TCERG1: variants seen among roughly 807,000 people sequenced by gnomAD.
TCERG1 encodes the protein TATA box binding protein (TBP)-associated factor, RNA polymerase II, S, 150kD.
A neutral mutation model predicts 144.7 loss-of-function variants in TCERG1; 37 were observed. That is an observed-to-expected ratio of 0.26 (90% CI 0.20 to 0.34). TCERG1 has a LOEUF of 0.34. Among genes scored for constraint, TCERG1 ranks in the 10% least tolerant of loss-of-function variants. TCERG1 has a pLI of 1.00. For missense variants in TCERG1, 1,027 were observed against 1,380.7 expected, an observed-to-expected ratio of 0.74 and a Z score of 4.06; for synonymous variants, 492 against 458.2, an observed-to-expected ratio of 1.07 and a Z score of -0.94.
Position 146,507,075 on chromosome 5 carries a change from A to C in TCERG1, c.2829A>C (p.Arg943=). 2.5e-6 allele frequency: 4 copies of C among 1,612,328 alleles called. No homozygotes were observed. The highest frequency in any genetic ancestry group is 3.4e-6 in the Non-Finnish European group (4 of 1,179,506). Residue 943 remains arginine (R), a synonymous_variant, in exon 20 of 23, where the codon CGA becomes CGC. Coordinates refer to ENST00000679501, the MANE Select transcript of TCERG1 (RefSeq NM_001382548.1). This position sits in a 1 kb window ranked among gnomAD's most constrained non-coding sequence, Gnocchi z 4.6. ...GGTCTGATACTCGTAGGACCCTCCG[A>C]AAAGATCACCGCTGGGAATCTGGAT... The part of the protein sequence containing the change: ...VSWSDTRRTL[R]KDHRWESGSL...
intron 16 of TCERG1, among the ~76,000 whole-genome samples, chr5:146,494,677 A>T (rs1272357121): frequency 6.6e-6 from 1 of 150,666 alleles, no homozygotes; most frequent in Non-Finnish European, 1.5e-5. Flanking sequence ...TGTTGGCCTA[A>T]TTTTTTTTTT....
chr5:146,493,542 T>C (rs563617830), intron 16 of TCERG1, among the ~76,000 whole-genome samples: 103 of 152,242 alleles, frequency 6.8e-4, no homozygotes, highest in Non-Finnish European at 1.2e-3. Context: ...TAATAACAGT[T>C]ACTGGGTATT....
chr5:146,484,815 C>T (rs1434739398), intron 15 of TCERG1, among the ~76,000 whole-genome samples: 3 of 152,072 alleles, frequency 2.0e-5, no homozygotes, highest in Non-Finnish European at 4.4e-5. Flanking sequence ...AAAATCTCAC[C>T]TTTTATTAAT....
chr5:146,485,991 G>A (rs1263624173), intron 15 of TCERG1, among the ~76,000 whole-genome samples: 1 of 152,088 alleles, frequency 6.6e-6, no homozygotes, highest in Non-Finnish European at 1.5e-5. Context: ...CACCACGCCT[G>A]GCCTTTCATG....
chr5:146,503,769 A>G, intron 18 of TCERG1, 55 bp from the exon 19 acceptor site: 3 of 1,524,170 alleles, frequency 2.0e-6, no homozygotes, highest in Non-Finnish European at 2.6e-6. Context: ...TTATTCTGTA[A>G]AAACATATTT....
At chr5:146,482,873 A>G in intron 14 of TCERG1, 146 bp downstream of exon 14, 1 of 1,155,798 alleles carries the variant, frequency 8.7e-7, no homozygotes, top group Non-Finnish European at 1.1e-6. Flanking sequence ...TTTTTGCAAC[A>G]GCCTTTTTCT....
chr5:146,501,613 A>G (rs1767457346), intron 17 of TCERG1, among the ~76,000 whole-genome samples: 1 of 152,190 alleles, frequency 6.6e-6, no homozygotes. Context: ...CCAGTTGTCA[A>G]ATGCATCTAG....
chr5:146,474,329 G>A (rs1764628779), intron 9 of TCERG1, among the ~76,000 whole-genome samples: 1 of 152,198 alleles, frequency 6.6e-6, no homozygotes, highest in African/African-American at 2.4e-5. Context: ...AGATGAGCCA[G>A]AATTGCTGCA....
chr5:146,447,442 C>T (rs373654253), intron 1 of TCERG1, 34 bp downstream of exon 1: 106 of 1,599,896 alleles, frequency 6.6e-5, no homozygotes, highest in Non-Finnish European at 8.7e-5. Context: ...CATCTCTGCT[C>T]ACGAGAGCCC....
Position 146,503,552 on chromosome 5 carries a change from T to A in TCERG1, c.2598+13T>A. ...AAAAATAGCCAAGGTAACTGTTGTG[T>A]TTACTTGTATTGCTTTCATTGAATA... On this transcript the variant is annotated intron_variant, in intron 18 of 22. Transcript: ENST00000679501. 1 of 1,612,444 alleles carries A rather than the reference T, an allele frequency of 6.2e-7. No individual in the cohort carries two copies. Among genetic ancestry groups the A allele is most frequent in the East Asian group, 2.2e-5 (1 of 44,824 alleles).
chr5:146,479,799 A>G (rs1033494793), intron 10 of TCERG1, 56 bp from the exon 11 acceptor site: 15 of 1,578,672 alleles, frequency 9.5e-6, no homozygotes, highest in South Asian at 4.5e-5. Context: ...TAAAAAGAAA[A>G]GTTTGTGAAA....
At chr5:146,447,522 C>T (rs76833679) in intron 1 of TCERG1, 114 bp downstream of exon 1, 100,576 of 1,362,122 alleles carry the variant, frequency 0.074, 4,058 homozygotes, top group Non-Finnish European at 0.079. Flanking sequence ...CCGGGCGGCC[C>T]GGGCCGGGAC....
rs554132796 is a variant in TCERG1, at chr5:146,457,031, G to T, written c.286-152G>T. 322 of 918,190 alleles carry T rather than the reference G, an allele frequency of 3.5e-4. No individual in the cohort carries two copies. In the African/African-American group the frequency reaches 5.0e-3, roughly 14 times the overall value. 56.9% of individuals were successfully genotyped at this position (918,190 alleles called of 1,614,324 possible). On this transcript the variant is annotated intron_variant, in intron 2 of 22. Coordinates refer to ENST00000679501, the MANE Select transcript of TCERG1 (RefSeq NM_001382548.1). ...CTTTCTAGTTTGTTTGGTAATTTTTGTTGCAGACATTTTGCTTCTATGACA... is the reference window on the plus strand; with the variant it reads ...CTTTCTAGTTTGTTTGGTAATTTTTTTTGCAGACATTTTGCTTCTATGACA...
intron 1 of TCERG1, among the ~76,000 whole-genome samples, chr5:146,454,263 TC>T (rs557624614): frequency 4.2e-4 from 64 of 152,234 alleles, no homozygotes; most frequent in Non-Finnish European, 6.0e-4. Context: ...TCTGATACTT[TC>T]CTCGTTGTTA....
At chr5:146,459,477 AC>A in intron 4 of TCERG1, 140 bp downstream of exon 4, 1 of 1,435,246 alleles carries the variant, frequency 7.0e-7, no homozygotes, top group Non-Finnish European at 9.3e-7. Flanking sequence ...TGACACTAAA[AC>A]TTTTGGGTTA....
In TCERG1 at chr5:146,503,702, T is replaced by C. The variant is rs1311027349; in HGVS notation, c.2599-122T>C. On this transcript the variant is annotated intron_variant, in intron 18 of 22. Coordinates refer to ENST00000679501, the MANE Select transcript of TCERG1 (RefSeq NM_001382548.1). Reference sequence around the variant, plus strand: ...TGATTTGGAGATGAGAGGTACACAGTGTTTAGGTATATTCTGGGCAAAAAC... The same window carrying C: ...TGATTTGGAGATGAGAGGTACACAGCGTTTAGGTATATTCTGGGCAAAAAC... The C allele has an allele frequency of 5.2e-6, 7 of 1,352,518 alleles. No individual in the cohort carries two copies. In the African/African-American group the frequency reaches 8.8e-5, roughly 17 times the overall value. The allele number at this position is 1,352,518 out of a possible 1,614,324, so 83.8% of individuals were successfully genotyped here. A position where few individuals can be genotyped will look rare whatever the true frequency, so the allele number is the denominator to read the frequency against.
At chr5:146,509,293 T>C in intron 22 of TCERG1, 48 bp downstream of exon 22, 1 of 1,241,254 alleles carries the variant, frequency 8.1e-7, no homozygotes, top group Non-Finnish European at 1.2e-6. Flanking sequence ...TCTTTACTAG[T>C]CTTTACTCTA....
chr5:146,462,694 G>A (rs953355159), intron 4 of TCERG1, among the ~76,000 whole-genome samples: 2 of 152,024 alleles, frequency 1.3e-5, no homozygotes, highest in Admixed American at 1.3e-4. Context: ...TTCATATCCA[G>A]TTAGTCATTA....
rs3822506 is a variant in TCERG1 at position 146,510,892 on chromosome 5, C to T, written c.*250C>T. 45,294 of 311,938 alleles carry T rather than the reference C, an allele frequency of 0.15. 7,024 individuals are homozygous for T. Among genetic ancestry groups the T allele is most frequent in the East Asian group, 0.74 (13,101 of 17,764 alleles). The allele number at this position is 311,938 out of a possible 1,614,324, so 19.3% of individuals were successfully genotyped here. A position where few individuals can be genotyped will look rare whatever the true frequency, so the allele number is the denominator to read the frequency against. Reference sequence around the variant, plus strand: ...ATCTTAAAATCTTGAAGCTAAAATTCATCCTTTTATGAGGTGTGGAAGTCA... The same window carrying T: ...ATCTTAAAATCTTGAAGCTAAAATTTATCCTTTTATGAGGTGTGGAAGTCA... On this transcript the variant is annotated 3_prime_UTR_variant, in exon 23 of 23. Transcript: ENST00000679501.
Sources: gnomAD v4.1 joint callset for allele counts (sites outside exome capture counted in the v4.1 genomes callset) on GRCh38, gnomAD v4.1.1 for gene constraint, Gnocchi (gnomAD v3.1) non-coding constraint, MANE v1.5 for transcripts, NCBI Gene and HGNC (gene_info 2026-07-23, HGNC 2026-07-21) for gene names.